The following KLHL3 variants were observed in gnomAD, a reference collection of about 807,000 sequenced individuals.
KLHL3 encodes kelch like family member 3, also known as kelch-like protein 3.
KLHL3 carries 19 observed loss-of-function variants against 70.5 expected under a neutral mutation model. That is an observed-to-expected ratio of 0.27 (90% CI 0.19 to 0.40). The LOEUF is 0.40. KLHL3 is among the 10% of genes least tolerant of loss of function. The pLI, the probability that KLHL3 is intolerant of heterozygous loss-of-function variation, is 1.00. For synonymous variants in KLHL3, 258 were observed against 290.3 expected (o/e 0.89, Z 1.13); for missense variants, 512 against 771.1 (o/e 0.66, Z 3.98).
chr5:137,623,019 C>G (rs958322054), intron 14 of KLHL3, among the ~76,000 whole-genome samples: 6 of 152,222 alleles, frequency 3.9e-5, no homozygotes, highest in African/African-American at 1.4e-4. Flanking sequence ...CTTGTTGTGA[C>G]TGGAATGCTC....
At chr5:137,692,178 T>A (rs1180815021) in intron 5 of KLHL3, 107 bp downstream of exon 5, 3 of 964,686 alleles carry the variant, frequency 3.1e-6, no homozygotes, top group Non-Finnish European at 4.7e-6. Flanking sequence ...AAATCATAGC[T>A]GCTTCACAGC....
In KLHL3 at chr5:137,710,060, T is replaced by C. The variant is rs1233520659; in HGVS notation, c.135-204A>G. On this transcript the variant is annotated intron_variant, in intron 2 of 14. Transcript: ENST00000309755. ...GATAAACCTGACATTCATGCTTTCC[T>C]AAGGTCCATGGAGAGATCCAACTAC... 2.6e-5 allele frequency among the ~76,000 whole-genome samples: 4 copies of C among 152,198 alleles called. No individual in the cohort carries two copies. The East Asian group carries it at 7.7e-4, about 29-fold the overall frequency.
rs757472157 is a variant in KLHL3 at position 137,625,856 on chromosome 5, C to T, written c.1632G>A (p.Gly544=). The T allele has an allele frequency of 6.2e-7, 1 of 1,614,160 alleles. No homozygotes were observed. The highest frequency in any genetic ancestry group is 8.5e-7 in the Non-Finnish European group (1 of 1,180,046). ...AAGCCAAGTTGCAGGATCCATCATC[C>T]CCTCCAACCACATACAGGAGCCCAT... ...AVNGLLYVVG[G]DDGSCNLASV... is the part of the protein sequence containing the mutation. Residue 544 remains glycine, a synonymous_variant, in exon 14 of 15, where the codon GGG becomes GGA. Coordinates refer to ENST00000309755, the MANE Select transcript of KLHL3 (RefSeq NM_017415.3).
At chr5:137,724,919 A>T (rs1753063322) in intron 1 of KLHL3, 2 of 336,088 alleles carry the variant, frequency 6.0e-6, no homozygotes, top group Non-Finnish European at 8.5e-6. Context: ...TGAAGCTCAC[A>T]ACCTATACCC....
intron 7 of KLHL3, among the ~76,000 whole-genome samples, chr5:137,659,028 A>C (rs529697747): frequency 6.6e-6 from 1 of 152,306 alleles, no homozygotes; most frequent in Non-Finnish European, 1.5e-5. Flanking sequence ...CCAAGCATGA[A>C]GCCATTCTGG....
intron 5 of KLHL3, among the ~76,000 whole-genome samples, chr5:137,686,018 C>T (rs908775898): frequency 1.3e-5 from 2 of 152,034 alleles, no homozygotes; most frequent in African/African-American, 4.8e-5. Context: ...ACAATAACAA[C>T]AGAAAAAGAA....
intron 5 of KLHL3, among the ~76,000 whole-genome samples, chr5:137,689,634 A>T (rs1269928753): frequency 6.6e-6 from 1 of 152,210 alleles, no homozygotes; most frequent in Non-Finnish European, 1.5e-5. Context: ...GTGCCTATGG[A>T]CATAAAGATG....
chr5:137,656,373 TG>T (rs1751345782), intron 8 of KLHL3, among the ~76,000 whole-genome samples: 2 of 152,142 alleles, frequency 1.3e-5, no homozygotes, highest in African/African-American at 2.4e-5. Context: ...CATGGCTGCA[TG>T]GGGGGAAAAA....
chr5:137,735,001 G>T (rs1444161053), intron 1 of KLHL3, among the ~76,000 whole-genome samples: 1 of 152,202 alleles, frequency 6.6e-6, no homozygotes, highest in Non-Finnish European at 1.5e-5. Flanking sequence ...CCCTGATGGA[G>T]GAAGCACAGA....
chr5:137,685,879 G>T (rs1424010620), intron 5 of KLHL3, among the ~76,000 whole-genome samples: 1 of 152,170 alleles, frequency 6.6e-6, no homozygotes, highest in African/African-American at 2.4e-5. Context: ...AGATTTGGAA[G>T]GATATACATC....
intron 1 of KLHL3, among the ~76,000 whole-genome samples, chr5:137,728,529 C>G (rs1478221256): frequency 6.6e-6 from 1 of 152,070 alleles, no homozygotes; most frequent in East Asian, 1.9e-4. Flanking sequence ...ATTGATGACA[C>G]AGAATCAGGA....
chr5:137,669,619 T>A (rs1053976899), intron 6 of KLHL3, among the ~76,000 whole-genome samples: 1 of 148,086 alleles, frequency 6.8e-6, no homozygotes, highest in Non-Finnish European at 1.5e-5. Flanking sequence ...AATGGTTTGA[T>A]AGAAACGTCT....
At chr5:137,653,412 AAAC>A (rs1363280755) in intron 8 of KLHL3, among the ~76,000 whole-genome samples, 1 of 152,216 alleles carries the variant, frequency 6.6e-6, no homozygotes, top group East Asian at 1.9e-4. Flanking sequence ...CTCAATAAGA[AAAC>A]AATAACCCAA....
rs138386996 is a variant in KLHL3 at position 137,720,573 on chromosome 5, C to T, written c.26G>A (p.Ser9Asn). Residue 9 changes from serine (S) to asparagine (N), a missense_variant, in exon 2 of 15, where the codon AGC becomes AAC. Ser to Asn is a conservative substitution (Grantham distance 46). Transcript: ENST00000309755. ...CCCAGCCTGTATCAGAGTCTGGGAG[C>T]TCAGCTTGACACTGTGAACAGGAAG... is the stretch of plus-strand genomic sequence containing the variant. Reference protein sequence around the residue: MEGESVKLSSQTLIQAGDD... With the variant: MEGESVKLNSQTLIQAGDD... The T allele has an allele frequency of 4.3e-6, 7 of 1,613,990 alleles. No homozygotes were observed. The highest frequency in any genetic ancestry group is 5.1e-6 in the Non-Finnish European group (6 of 1,180,022).
At chr5:137,678,977 A>T (rs942827392) in intron 5 of KLHL3, among the ~76,000 whole-genome samples, 2 of 151,900 alleles carry the variant, frequency 1.3e-5, no homozygotes, top group African/African-American at 4.8e-5. Context: ...CAACATCAAC[A>T]TGGTAAGAAG....
At chr5:137,651,501 G>A (rs2149892349) in intron 8 of KLHL3, among the ~76,000 whole-genome samples, 1 of 152,336 alleles carries the variant, frequency 6.6e-6, no homozygotes, top group East Asian at 1.9e-4. Context: ...CCCAGGGATA[G>A]ATCTAACAAA....
intron 8 of KLHL3, among the ~76,000 whole-genome samples, chr5:137,655,731 C>G (rs1751323152): frequency 6.6e-6 from 1 of 152,150 alleles, no homozygotes; most frequent in Non-Finnish European, 1.5e-5. Flanking sequence ...CACCTACAAT[C>G]CCAGCATTTT....
chr5:137,674,423 T>C (rs1369274662), intron 6 of KLHL3, among the ~76,000 whole-genome samples: 1 of 152,222 alleles, frequency 6.6e-6, no homozygotes, highest in Non-Finnish European at 1.5e-5. Flanking sequence ...CCCCTCTGAC[T>C]GTAGAAGTTA....
intron 2 of KLHL3, among the ~76,000 whole-genome samples, chr5:137,715,864 ATCT>A (rs530941779): frequency 5.2e-4 from 79 of 152,360 alleles, no homozygotes; most frequent in African/African-American, 1.9e-3. Context: ...TCATTCATTA[ATCT>A]TCTTAACAAG....
Sources: gnomAD v4.1 joint callset for allele counts (sites outside exome capture counted in the v4.1 genomes callset) on GRCh38, gnomAD v4.1.1 for gene constraint, MANE v1.5 for transcripts, NCBI Gene and HGNC (gene_info 2026-07-23, HGNC 2026-07-21) for gene names.